FGD4: variants seen among roughly 807,000 people sequenced by gnomAD.
The protein encoded by FGD4 is FYVE, RhoGEF and PH domain-containing protein 4.
A neutral mutation model predicts 102.0 loss-of-function variants in FGD4; 42 were observed. The observed-to-expected ratio is 0.41, with a 90% CI of 0.32 to 0.53. The LOEUF (loss-of-function observed/expected upper bound fraction) is 0.53, where lower values mean the gene tolerates loss of function less well. Among genes scored for constraint, FGD4 ranks in the 20% least tolerant of loss-of-function variants. The probability of loss-of-function intolerance (pLI) is 0.21; values close to 1 mark genes in which losing one functional copy is unlikely to be tolerated. For synonymous variants in FGD4, 380 were observed against 375.7 expected (o/e 1.01, Z -0.13); for missense variants, 902 against 1,078.2 (o/e 0.84, Z 2.29).
chr12:32,624,895 T>G, intron 12 of FGD4, 81 bp from the exon 13 acceptor site: 1 of 1,185,822 alleles, frequency 8.4e-7, no homozygotes, highest in Non-Finnish European at 1.3e-6. Flanking sequence ...ATTCCTATCA[T>G]AGATATTTGT....
intron 1 of FGD4, among the ~76,000 whole-genome samples, chr12:32,491,931 AAG>A (rs1944108807): frequency 6.6e-6 from 1 of 152,226 alleles, no homozygotes; most frequent in South Asian, 2.1e-4. Flanking sequence ...TTTAAAAGAA[AAG>A]AACCAAATTA....
At chr12:32,439,801 C>T (rs1942366463) in intron 1 of FGD4, among the ~76,000 whole-genome samples, 1 of 152,148 alleles carries the variant, frequency 6.6e-6, no homozygotes, top group South Asian at 2.1e-4. Context: ...AGGCCAATAA[C>T]TTTTAGATTT....
Position 32,564,292 on chromosome 12 carries a change from A to T in FGD4, c.319+3A>T. On this transcript the variant is annotated splice_donor_region_variant and intron_variant, in intron 2 of 16. Transcript: ENST00000534526. ...AGCTGCAAGTCCAAAGCCACAAGGT[A>T]TGCTCACTGGGAGTTTGTGTTCGGG... 2.0e-6 allele frequency: 3 copies of T among 1,535,796 alleles called. No homozygotes were observed. Among genetic ancestry groups the T allele is most frequent in the Middle Eastern group, 1.7e-4 (1 of 5,956 alleles).
chr12:32,413,997 G>C (rs1304267750), intron 1 of FGD4, among the ~76,000 whole-genome samples: 2 of 148,474 alleles, frequency 1.3e-5, no homozygotes, highest in African/African-American at 2.5e-5. Flanking sequence ...TTTTGAGACG[G>C]AGTCTTGTTC....
chr12:32,529,354 T>C (rs542456056), intron 1 of FGD4, among the ~76,000 whole-genome samples: 1 of 151,968 alleles, frequency 6.6e-6, no homozygotes, highest in Non-Finnish European at 1.5e-5. Context: ...CTCGATCTCT[T>C]AACCTTGTGA....
In FGD4 at chr12:32,399,904, C is replaced by T. The variant is rs760657713; in HGVS notation, c.111C>T (p.His37=). ...VPRPWSRPAS[H]LGRVGTAAFK... Reference sequence around the variant, plus strand: ...GGCCCTGGAGCAGGCCCGCGTCGCACCTGGGACGTGTAGGGACCGCTGCCT... The same window carrying T: ...GGCCCTGGAGCAGGCCCGCGTCGCATCTGGGACGTGTAGGGACCGCTGCCT... Residue 37 remains histidine, a synonymous_variant, in exon 1 of 17, where the codon CAC becomes CAT. Coordinates refer to ENST00000534526, the MANE Select transcript of FGD4 (RefSeq NM_001370298.3). The T allele has an allele frequency of 5.9e-6, 9 of 1,527,692 alleles. No individual in the cohort carries two copies. In the South Asian group the frequency reaches 1.1e-4, roughly 18 times the overall value. The allele number at this position is 1,527,692 out of a possible 1,614,324, so 94.6% of individuals were successfully genotyped here.
intron 2 of FGD4, among the ~76,000 whole-genome samples, chr12:32,566,886 ATG>A (rs1037645241): frequency 6.6e-6 from 1 of 152,172 alleles, no homozygotes; most frequent in African/African-American, 2.4e-5. Context: ...CAAGGTCACT[ATG>A]TGTGTGGTCC....
intron 1 of FGD4, among the ~76,000 whole-genome samples, chr12:32,530,936 C>CCTTGGTTT: frequency 9.0e-6 from 1 of 110,558 alleles, no homozygotes; most frequent in African/African-American, 4.3e-5. Context: ...AGTTTCCTAG[C>CCTTGGTTT]TTTGGTTTTT....
intron 1 of FGD4, among the ~76,000 whole-genome samples, chr12:32,517,240 A>G (rs548760963): frequency 7.9e-5 from 12 of 152,318 alleles, no homozygotes; most frequent in Non-Finnish European, 1.3e-4. Flanking sequence ...TAGCTTGCCC[A>G]GGCGTCACAG....
rs1167880336 is a variant in FGD4 at position 32,604,203 on chromosome 12, G to A, written c.1404+1886G>A. Among the ~76,000 whole-genome samples, 5 of 152,042 alleles carry A rather than the reference G, an allele frequency of 3.3e-5. No individual in the cohort carries two copies. In the South Asian group the frequency reaches 1.0e-3, roughly 32 times the overall value. Reference sequence around the variant, plus strand: ...TGTGGACCTTTTTGTATTTGTCCTGGTTAGGGTTGGTTGAGCTTTTTGCAT... The same window carrying A: ...TGTGGACCTTTTTGTATTTGTCCTGATTAGGGTTGGTTGAGCTTTTTGCAT... On this transcript the variant is annotated intron_variant, in intron 7 of 16. Coordinates refer to ENST00000534526, the MANE Select transcript of FGD4 (RefSeq NM_001370298.3).
chr12:32,463,469 TTAAAGG>T (rs1184925459), intron 1 of FGD4, among the ~76,000 whole-genome samples: 1 of 152,236 alleles, frequency 6.6e-6, no homozygotes, highest in African/African-American at 2.4e-5. Context: ...TTTTCATTGT[TTAAAGG>T]TAAATAACGT....
In FGD4 at chr12:32,460,393, T is replaced by C. The variant is rs184613353; in HGVS notation, c.166+60434T>C. ...AGCCACTGGTGGTGGTGCGTGCCCG[T>C]AGCACCAGCTACTTGGGAGGCTGAT... On this transcript the variant is annotated intron_variant, in intron 1 of 16. Coordinates refer to ENST00000534526, the MANE Select transcript of FGD4 (RefSeq NM_001370298.3). Among the ~76,000 whole-genome samples the C allele has an allele frequency of 2.3e-3, 344 of 151,812 alleles. 1 individual carries two copies. Among genetic ancestry groups the C allele is most frequent in the Non-Finnish European group, 4.0e-3 (272 of 67,960 alleles).
chr12:32,455,097 A>G (rs1354480192), intron 1 of FGD4, among the ~76,000 whole-genome samples: 3 of 152,206 alleles, frequency 2.0e-5, no homozygotes, highest in Non-Finnish European at 4.4e-5. Flanking sequence ...CAGGCAGCCA[A>G]GAAGAAACGA....
At chr12:32,442,302 C>T (rs1040225062) in intron 1 of FGD4, among the ~76,000 whole-genome samples, 1 of 152,102 alleles carries the variant, frequency 6.6e-6, no homozygotes, top group African/African-American at 2.4e-5. Context: ...ATCCACCCAC[C>T]TCAGCCCCCC....
At chr12:32,507,125 T>C (rs1348009492) in intron 1 of FGD4, among the ~76,000 whole-genome samples, 1 of 130,064 alleles carries the variant, frequency 7.7e-6, no homozygotes, top group East Asian at 2.3e-4. Context: ...TTCCCCTTCC[T>C]GTGTCCATGT....
chr12:32,548,178 GAAAACGATTTTTTCC>G (rs1943376370), intron 1 of FGD4, among the ~76,000 whole-genome samples: 1 of 152,108 alleles, frequency 6.6e-6, no homozygotes. Flanking sequence ...AGGCCATTTT[GAAAACGATTTTTTCC>G]AGGGAGCATA....
At chr12:32,542,580 G>A (rs992509064) in intron 1 of FGD4, among the ~76,000 whole-genome samples, 6 of 152,154 alleles carry the variant, frequency 3.9e-5, no homozygotes, top group Non-Finnish European at 8.8e-5. Flanking sequence ...GTTTGGCAGT[G>A]GGCAGAAGCA....
At chr12:32,559,344 A>AT (rs1944359251) in intron 1 of FGD4, among the ~76,000 whole-genome samples, 1 of 152,064 alleles carries the variant, frequency 6.6e-6, no homozygotes. Flanking sequence ...TGGTCCGTAC[A>AT]TTTTTTTCCT....
chr12:32,614,141 T>A (rs1352702045), intron 10 of FGD4, among the ~76,000 whole-genome samples: 1 of 152,174 alleles, frequency 6.6e-6, no homozygotes, highest in Non-Finnish European at 1.5e-5. Flanking sequence ...GGGTTCATCT[T>A]GCACAAGTCT....
Sources: gnomAD v4.1 joint callset for allele counts (sites outside exome capture counted in the v4.1 genomes callset) on GRCh38, gnomAD v4.1.1 for gene constraint, MANE v1.5 for transcripts, NCBI Gene and HGNC (gene_info 2026-07-23, HGNC 2026-07-21) for gene names.